The following NME5 variants were observed in gnomAD, a reference collection of about 807,000 sequenced individuals.
NME5 encodes NME/NM23 family member 5.
A neutral mutation model predicts 21.6 loss-of-function variants in NME5; 18 were observed. That is an observed-to-expected ratio of 0.83 (90% CI 0.58 to 1.24). The LOEUF (loss-of-function observed/expected upper bound fraction) is 1.24. NME5 is among the 50% of genes most tolerant of loss of function. The pLI is 0.00. For synonymous variants in NME5, 70 were observed against 80.6 expected (o/e 0.87, Z 0.71); for missense variants, 223 against 255.4 (o/e 0.87, Z 0.86).
intron 2 of NME5, among the ~76,000 whole-genome samples, chr5:138,134,230 A>C (rs1011477587): frequency 4.6e-5 from 7 of 150,678 alleles, no homozygotes; most frequent in Admixed American, 4.6e-4. Context: ...ATGCGCCACC[A>C]CGCCCAGCTG....
chr5:138,126,510 C>CAAAAAAAAAAAAAAAAA (rs57938582), intron 4 of NME5, among the ~76,000 whole-genome samples: 5 of 54,204 alleles, frequency 9.2e-5, no homozygotes, highest in Non-Finnish European at 1.3e-4. Flanking sequence ...GAATCTATCT[C>CAAAAAAAAAAAAAAAAA]AAAAAAAAAA....
chr5:138,138,370 T>C (rs1751764235), intron 2 of NME5: 2 of 309,962 alleles, frequency 6.5e-6, no homozygotes, highest in Non-Finnish European at 5.9e-6. Context: ...AAAATGTTTA[T>C]AAATGCATAG....
intron 1 of NME5, 67 bp downstream of exon 1, chr5:138,139,304 C>G (rs963645679): frequency 1.1e-6 from 1 of 940,666 alleles, no homozygotes; most frequent in African/African-American, 1.8e-5. Flanking sequence ...AGCAGGGCCT[C>G]TAGGTCCGCG....
intron 4 of NME5, among the ~76,000 whole-genome samples, chr5:138,125,177 CT>C (rs750045577): frequency 6.6e-6 from 1 of 152,178 alleles, no homozygotes; most frequent in Non-Finnish European, 1.5e-5. Context: ...CCGCCTCAGC[CT>C]CACAAAGTGT....
Position 138,129,790 on chromosome 5 carries a change from T to G in NME5, c.130-322A>C, listed in dbSNP as rs10463966. On this transcript the variant is annotated intron_variant, in intron 2 of 5. Transcript: ENST00000265191. ...CTAGGCAACACAGTGAAACCCCGTC[T>G]CTACTAAAATTCAAAAAATTAGCCG... Among the ~76,000 whole-genome samples, 46 of 152,248 alleles carry G rather than the reference T, an allele frequency of 3.0e-4. No individual in the cohort carries two copies. In the East Asian group the frequency reaches 8.9e-3, roughly 29 times the overall value.
At chr5:138,123,501 T>C (rs946293796) in intron 4 of NME5, among the ~76,000 whole-genome samples, 2 of 152,214 alleles carry the variant, frequency 1.3e-5, no homozygotes, top group Non-Finnish European at 2.9e-5. Context: ...TCACTTAATA[T>C]AATGTCCTCC....
At chr5:138,128,172 T>C (rs1226134626) in intron 4 of NME5, among the ~76,000 whole-genome samples, 1 of 152,184 alleles carries the variant, frequency 6.6e-6, no homozygotes, top group African/African-American at 2.4e-5. Flanking sequence ...ATCAAGATTG[T>C]GCCACTGCAC....
At position 138,115,668 on chromosome 5, in the gene NME5, G is replaced by T; in HGVS notation, c.*13C>A. On this transcript the variant is annotated 3_prime_UTR_variant, in exon 6 of 6. Transcript: ENST00000265191. The stretch of plus-strand genomic sequence containing the variant: ...AAGATAGTTCATGATTTGTTCTTTC[G>T]AGGATTTTTTTTTTAATAAGGTTCT... 1.3e-6 allele frequency: 2 copies of T among 1,499,020 alleles called. No homozygotes were observed. Among genetic ancestry groups the T allele is most frequent in the East Asian group, 2.3e-5 (1 of 43,164 alleles). 92.9% of individuals were successfully genotyped at this position (1,499,020 alleles called of 1,614,324 possible). A position where few individuals can be genotyped will look rare whatever the true frequency, so the allele number is the denominator to read the frequency against.
At position 138,115,765 on chromosome 5, in the gene NME5, C is replaced by T; in HGVS notation, c.556-1G>A. On this transcript the variant is annotated splice_acceptor_variant, in intron 5 of 5. Coordinates refer to ENST00000265191, the MANE Select transcript of NME5 (RefSeq NM_003551.3). LOFTEE classifies it high-confidence loss of function. Reference sequence around the variant, plus strand: ...TCAGCAGCCAATCAGCTAGCCAAATCTATGGGAAAAAAAAAAACAACCTAA... The same window carrying T: ...TCAGCAGCCAATCAGCTAGCCAAATTTATGGGAAAAAAAAAAACAACCTAA... 6.4e-7 allele frequency: 1 copy of T among 1,556,844 alleles called. No homozygotes were observed.
chr5:138,135,974 C>CAG (rs1751689703), intron 2 of NME5, among the ~76,000 whole-genome samples: 1 of 152,110 alleles, frequency 6.6e-6, no homozygotes, highest in South Asian at 2.1e-4. Flanking sequence ...ACTTTGCTTT[C>CAG]TTCCGTTAAC....
chr5:138,135,319 CAAA>C (rs753075071), intron 2 of NME5, among the ~76,000 whole-genome samples: 2 of 90,768 alleles, frequency 2.2e-5, no homozygotes, highest in Non-Finnish European at 2.3e-5. Context: ...GACTCCGTCT[CAAA>C]AAAAAAAAAA....
intron 5 of NME5, among the ~76,000 whole-genome samples, chr5:138,117,217 A>G (rs1410227762): frequency 6.6e-6 from 1 of 151,180 alleles, no homozygotes; most frequent in African/African-American, 2.4e-5. Context: ...AAAAAAAAAA[A>G]AAAAAAAAAG....
chr5:138,133,203 C>T (rs541190319), intron 2 of NME5, among the ~76,000 whole-genome samples: 53 of 152,000 alleles, frequency 3.5e-4, no homozygotes, highest in African/African-American at 1.2e-3. Context: ...TGGGTTCACG[C>T]CATTCTCCTG....
rs142724807 is a variant in NME5, at chr5:138,120,827, T to C, written c.437-1891A>G. ...AGCACCATATACAGACTTTCCTCAA[T>C]TTACATGGGTTACATCCCAATAAAC... is the stretch of plus-strand genomic sequence containing the variant. On this transcript the variant is annotated intron_variant, in intron 4 of 5. Coordinates refer to ENST00000265191, the MANE Select transcript of NME5 (RefSeq NM_003551.3). Among the ~76,000 whole-genome samples, 566 of 152,264 alleles carry C rather than the reference T, an allele frequency of 3.7e-3. 3 individuals carry two copies. Among genetic ancestry groups the C allele is most frequent in the African/African-American group, 0.013 (539 of 41,552 alleles).
intron 2 of NME5, among the ~76,000 whole-genome samples, chr5:138,131,097 T>C (rs1413405404): frequency 1.4e-5 from 2 of 148,048 alleles, no homozygotes; most frequent in Non-Finnish European, 3.0e-5. Context: ...CCAGGCGCAG[T>C]GACTCACGCC....
chr5:138,124,600 G>A (rs529902589), intron 4 of NME5, among the ~76,000 whole-genome samples: 12 of 151,980 alleles, frequency 7.9e-5, no homozygotes, highest in Non-Finnish European at 1.0e-4. Context: ...AGCTCACTGC[G>A]GCCTCGACCT....
At chr5:138,138,186 C>T (rs567178119) in intron 2 of NME5, among the ~76,000 whole-genome samples, 1 of 152,136 alleles carries the variant, frequency 6.6e-6, no homozygotes, top group East Asian at 1.9e-4. Flanking sequence ...GTACCAATAG[C>T]CTAAAATTCC....
Position 138,123,611 on chromosome 5 carries a change from C to A in NME5, c.437-4675G>T, listed in dbSNP as rs1264976343. On this transcript the variant is annotated intron_variant, in intron 4 of 5. Transcript: ENST00000265191. ...CACCACATTTTCTTTATCCATTAAC[C>A]CACTGATGGACACTTAGGTTGATTC... 3.9e-5 allele frequency among the ~76,000 whole-genome samples: 6 copies of A among 152,058 alleles called. 1 individual carries two copies. Among genetic ancestry groups the A allele is most frequent in the Non-Finnish European group, 8.8e-5 (6 of 68,016 alleles).
intron 2 of NME5, among the ~76,000 whole-genome samples, chr5:138,135,384 G>A (rs1341121277): frequency 6.6e-6 from 1 of 150,618 alleles, no homozygotes; most frequent in Non-Finnish European, 1.5e-5. Flanking sequence ...GCCCAGGCTG[G>A]AGTGCAATGG....
Sources: gnomAD v4.1 joint callset for allele counts (sites outside exome capture counted in the v4.1 genomes callset) on GRCh38, gnomAD v4.1.1 for gene constraint, MANE v1.5 for transcripts, NCBI Gene and HGNC (gene_info 2026-07-23, HGNC 2026-07-21) for gene names.